The following TMPRSS15 variants were observed in gnomAD, a reference collection of about 807,000 sequenced individuals.
TMPRSS15 encodes the protein enteropeptidase.
Under a neutral mutation model 125.3 loss-of-function variants are expected in TMPRSS15, and 128 were observed. The ratio of observed to expected loss-of-function variants is 1.02; its 90% CI spans 0.89 to 1.18. The LOEUF is 1.18. Ranked by LOEUF, TMPRSS15 falls within the 50% of genes most tolerant of loss-of-function variation. The pLI is 0.00. For missense variants in TMPRSS15, 1,283 were observed against 1,212.7 expected (o/e 1.06, Z -0.86); for synonymous variants, 446 against 423.2 (o/e 1.05, Z -0.66).
chr21:18,294,250 A>T lies in TMPRSS15; in HGVS notation c.2486+20T>A. The T allele has an allele frequency of 6.2e-7, 1 of 1,613,800 alleles. No individual in the cohort carries two copies. Among genetic ancestry groups the T allele is most frequent in the Non-Finnish European group, 8.5e-7 (1 of 1,180,018 alleles). On this transcript the variant is annotated intron_variant, in intron 21 of 24. Coordinates refer to ENST00000284885, the MANE Select transcript of TMPRSS15 (RefSeq NM_002772.3). ...CTGTGGTGACCTAGTTTGGGAAGGG[A>T]CACTTGACATCACACTCACCCATAC...
intron 1 of TMPRSS15, among the ~76,000 whole-genome samples, chr21:18,419,289 T>G (rs1414636326): frequency 1.3e-5 from 2 of 148,466 alleles, no homozygotes; most frequent in East Asian, 2.0e-4. Flanking sequence ...GCAGTGGTGC[T>G]ATCTCTGCTC....
chr21:18,294,234 C>T (rs751417137), intron 21 of TMPRSS15, 36 bp downstream of exon 21: 1 of 1,613,228 alleles, frequency 6.2e-7, no homozygotes, highest in South Asian at 1.1e-5. Context: ...GCTGTGGTGA[C>T]CTAGTTTGGG....
chr21:18,330,678 T>A (rs2075335438), intron 14 of TMPRSS15, among the ~76,000 whole-genome samples: 1 of 152,204 alleles, frequency 6.6e-6, no homozygotes, highest in African/African-American at 2.4e-5. Context: ...ATTCGTCAAA[T>A]AAACAAACAT....
At chr21:18,292,345 A>G (rs1417621466) in intron 21 of TMPRSS15, among the ~76,000 whole-genome samples, 3 of 152,154 alleles carry the variant, frequency 2.0e-5, no homozygotes, top group African/African-American at 4.8e-5. Flanking sequence ...ATCTTTTTGC[A>G]CTGCACTCTG....
In TMPRSS15 at chr21:18,421,238, T is replaced by C. The variant is rs558485881; in HGVS notation, c.11-22909A>G. ...TTCAAATATTATGGAAGAATCTTGA[T>C]TTGGTGTTTCAAGATCTTGGTCACA... On this transcript the variant is annotated intron_variant, in intron 1 of 7. Transcript: ENST00000422787. Among the ~76,000 whole-genome samples, 4 of 152,274 alleles carry C rather than the reference T, an allele frequency of 2.6e-5. No homozygotes were observed. In the East Asian group the frequency reaches 7.7e-4, roughly 29 times the overall value.
chr21:18,294,762 C>A, intron 19 of TMPRSS15, 110 bp from the exon 20 acceptor site: 1 of 926,526 alleles, frequency 1.1e-6, no homozygotes, highest in Non-Finnish European at 1.7e-6. Flanking sequence ...ATCTTAATGT[C>A]TCATATATGA....
chr21:18,360,286 CTGAG>C lies in TMPRSS15; in HGVS notation c.774-427_774-424del, dbSNP rs566078262. ...ATATACAAGATTTCCTTCTTTATGA[CTGAG>C]TAATATTCATATATATATCACATTT... On this transcript the variant is annotated intron_variant, in intron 7 of 24. Coordinates refer to ENST00000284885, the MANE Select transcript of TMPRSS15 (RefSeq NM_002772.3). 2.7e-3 allele frequency among the ~76,000 whole-genome samples: 415 copies of C among 152,156 alleles called. 3 individuals carry two copies. Among genetic ancestry groups the C allele is most frequent in the African/African-American group, 9.0e-3 (373 of 41,506 alleles).
intron 1 of TMPRSS15, among the ~76,000 whole-genome samples, chr21:18,482,756 G>A (rs1979007652): frequency 6.6e-6 from 1 of 151,580 alleles, no homozygotes; most frequent in African/African-American, 2.4e-5. Context: ...GTGCCTTGGT[G>A]TGCTTTTTTC....
intron 21 of TMPRSS15, among the ~76,000 whole-genome samples, chr21:18,290,140 T>C (rs939243101): frequency 3.9e-5 from 6 of 152,194 alleles, no homozygotes; most frequent in Non-Finnish European, 7.3e-5. Flanking sequence ...TTTTTGTTAT[T>C]GGAATCAAGA....
intron 1 of TMPRSS15, among the ~76,000 whole-genome samples, chr21:18,463,978 T>C (rs2122954275): frequency 9.9e-5 from 15 of 151,772 alleles, no homozygotes; most frequent in Non-Finnish European, 1.6e-4. Flanking sequence ...ATGGAGACCA[T>C]CCTGGCAAAC....
intron 8 of TMPRSS15, among the ~76,000 whole-genome samples, chr21:18,356,970 C>T (rs112111090): frequency 4.5e-4 from 69 of 151,872 alleles, no homozygotes; most frequent in Non-Finnish European, 8.9e-4. Flanking sequence ...AATGGAATAC[C>T]AGCTAAGCAC....
chr21:18,382,672 A>G (rs1012088240), intron 4 of TMPRSS15, among the ~76,000 whole-genome samples: 4 of 152,142 alleles, frequency 2.6e-5, no homozygotes, highest in African/African-American at 9.7e-5. Flanking sequence ...CTCGGTGTAG[A>G]TATTTATGTA....
At chr21:18,434,694 T>G (rs927281879) in intron 1 of TMPRSS15, among the ~76,000 whole-genome samples, 2 of 152,094 alleles carry the variant, frequency 1.3e-5, no homozygotes, top group African/African-American at 4.8e-5. Flanking sequence ...AGGAGGTATA[T>G]ATTAGCTATA....
At chr21:18,381,496 A>G (rs762009086) in intron 4 of TMPRSS15, among the ~76,000 whole-genome samples, 2 of 152,176 alleles carry the variant, frequency 1.3e-5, no homozygotes, top group Non-Finnish European at 2.9e-5. Context: ...AATACCTACA[A>G]TTAACTTGGT....
intron 24 of TMPRSS15, 129 bp from the exon 25 acceptor site, chr21:18,270,253 T>G (rs2074539401): frequency 5.1e-6 from 4 of 787,442 alleles, no homozygotes; most frequent in Non-Finnish European, 5.9e-6. Context: ...GCAAGTCATC[T>G]GTATATATTC....
intron 1 of TMPRSS15, among the ~76,000 whole-genome samples, chr21:18,419,984 A>T (rs955926835): frequency 3.3e-5 from 5 of 152,198 alleles, no homozygotes; most frequent in Non-Finnish European, 7.3e-5. Context: ...AGAAATTGAC[A>T]TTTGTTTTTG....
intron 1 of TMPRSS15, among the ~76,000 whole-genome samples, chr21:18,414,762 G>A (rs973896030): frequency 7.2e-5 from 11 of 152,048 alleles, no homozygotes; most frequent in African/African-American, 2.7e-4. Context: ...ATCTGTCAAA[G>A]GACACTTAAG....
chr21:18,383,900 C>T, intron 3 of TMPRSS15, 122 bp from the exon 4 acceptor site: 1 of 1,165,900 alleles, frequency 8.6e-7, no homozygotes, highest in Non-Finnish European at 1.2e-6. Flanking sequence ...CTCATTATAC[C>T]TGTGTAAGGT....
intron 18 of TMPRSS15, among the ~76,000 whole-genome samples, chr21:18,302,547 A>AT (rs1298477797): frequency 6.6e-6 from 1 of 152,156 alleles, no homozygotes; most frequent in Non-Finnish European, 1.5e-5. Context: ...TTAATTTTAG[A>AT]TTTTCTGACT....
Sources: allele counts gnomAD v4.1 joint callset (sites outside exome capture counted in the v4.1 genomes callset), GRCh38; gene constraint gnomAD v4.1.1; transcripts MANE v1.5; gene names NCBI Gene and HGNC (gene_info 2026-07-23, HGNC 2026-07-21).